The following IL12RB1 variants were observed in gnomAD, a reference collection of about 807,000 sequenced individuals.
IL12RB1 encodes interleukin-12 receptor subunit beta-1.
In IL12RB1, 64 loss-of-function variants were observed where a neutral mutation model predicts 94.4. That is an observed-to-expected ratio of 0.68 (90% CI 0.55 to 0.83). The LOEUF (loss-of-function observed/expected upper bound fraction) is 0.83, where lower values mean the gene tolerates loss of function less well. Among genes scored for constraint, IL12RB1 ranks in the 40% least tolerant of loss-of-function variants. IL12RB1 has a pLI of 0.00. For missense variants in IL12RB1, 814 were observed against 855.6 expected (o/e 0.95, Z 0.61); for synonymous variants, 362 against 355.5 (o/e 1.02, Z -0.21).
chr19:18,085,230 G>A (rs888553856), intron 1 of IL12RB1, among the ~76,000 whole-genome samples: 2 of 152,086 alleles, frequency 1.3e-5, no homozygotes, highest in Non-Finnish European at 2.9e-5. Context: ...GGGAGAAGGC[G>A]GCACCCCAGG....
chr19:18,059,461 G>A lies in IL12RB1; in HGVS notation c.*147C>T, dbSNP rs998329896. On this transcript the variant is annotated 3_prime_UTR_variant, in exon 17 of 17. Transcript: ENST00000593993. ...TCATGGCAGCATCTAGGGTTCCCCC[G>A]CAGGATGGGTGGCAACAGGCACGGG... 2.2e-5 allele frequency: 15 copies of A among 681,384 alleles called. No homozygotes were observed. Among genetic ancestry groups the A allele is most frequent in the East Asian group, 8.2e-5 (3 of 36,756 alleles). 42.2% of individuals were successfully genotyped at this position (681,384 alleles called of 1,614,324 possible).
intron 16 of IL12RB1, 65 bp downstream of exon 16, chr19:18,059,829 T>C: frequency 1.1e-6 from 1 of 949,114 alleles, no homozygotes; most frequent in Non-Finnish European, 1.7e-6. Flanking sequence ...GCGATGGATG[T>C]CTAGCCCCCC....
intron 3 of IL12RB1, among the ~76,000 whole-genome samples, chr19:18,081,492 A>G (rs1045809204): frequency 6.6e-6 from 1 of 151,576 alleles, no homozygotes; most frequent in Non-Finnish European, 1.5e-5. Flanking sequence ...GGACCCCAGT[A>G]TCTCCCAGCA....
intron 10 of IL12RB1, 88 bp from the exon 11 acceptor site, chr19:18,068,614 C>T: frequency 9.3e-7 from 1 of 1,075,182 alleles, no homozygotes; most frequent in Non-Finnish European, 1.4e-6. Flanking sequence ...TGCCAGGAAC[C>T]CCCAGAAAAC....
intron 4 of IL12RB1, among the ~76,000 whole-genome samples, chr19:18,080,295 G>A (rs1040738364): frequency 1.3e-5 from 2 of 152,042 alleles, no homozygotes; most frequent in African/African-American, 4.8e-5. Context: ...CAGGAGTGCA[G>A]TGGCTCAATC....
chr19:18,068,645 C>A, intron 10 of IL12RB1, 119 bp from the exon 11 acceptor site: 1 of 796,274 alleles, frequency 1.3e-6, no homozygotes. Flanking sequence ...GTTTCAAAGC[C>A]CTTGCACCAA....
rs1212767103 is a variant in IL12RB1 at position 18,059,594 on chromosome 19, C to T, written c.*14G>A. ...GCCTCGGGCGAGTCACTCACCCTCT[C>T]TGAGCCTCAACGATCACATCTGTAA... On this transcript the variant is annotated 3_prime_UTR_variant, in exon 17 of 17. Coordinates refer to ENST00000593993, the MANE Select transcript of IL12RB1 (RefSeq NM_005535.3). 1 of 780,454 alleles carries T rather than the reference C, an allele frequency of 1.3e-6. No homozygotes were observed. The highest frequency in any genetic ancestry group is 2.4e-6 in the Non-Finnish European group (1 of 417,818). 48.3% of individuals were successfully genotyped at this position (780,454 alleles called of 1,614,324 possible).
chr19:18,080,696 G>A (rs1215888246), intron 4 of IL12RB1, 136 bp downstream of exon 4: 3 of 747,826 alleles, frequency 4.0e-6, no homozygotes, highest in South Asian at 1.4e-5. Context: ...TAGTGTTTGC[G>A]TGACACTACG....
chr19:18,080,357 G>T (rs949801438), intron 4 of IL12RB1, among the ~76,000 whole-genome samples: 6 of 152,092 alleles, frequency 3.9e-5, no homozygotes, highest in African/African-American at 1.4e-4. Flanking sequence ...TCCTGCCTCA[G>T]TCTCCCCAGT....
chr19:18,080,823 G>A lies in IL12RB1; in HGVS notation c.409+9C>T, dbSNP rs1340211673. The stretch of plus-strand genomic sequence containing the variant: ...TAAAAAACGGACGGGGGGAGAACAA[G>A]GTGCTAACCTGAGTTGTAGAGCTGC... On this transcript the variant is annotated intron_variant, in intron 4 of 16. Coordinates refer to ENST00000593993, the MANE Select transcript of IL12RB1 (RefSeq NM_005535.3). 6.3e-7 allele frequency: 1 copy of A among 1,589,644 alleles called. No individual in the cohort carries two copies. The highest frequency in any genetic ancestry group is 1.7e-5 in the Admixed American group (1 of 59,986).
At chr19:18,085,877 G>C (rs1186335926) in intron 1 of IL12RB1, among the ~76,000 whole-genome samples, 1 of 151,870 alleles carries the variant, frequency 6.6e-6, no homozygotes, top group Non-Finnish European at 1.5e-5. Context: ...CCATAGTGCT[G>C]GATTTTCAGG....
At chr19:18,064,179 G>A (rs1250682051) in intron 12 of IL12RB1, among the ~76,000 whole-genome samples, 169 bp from the exon 13 acceptor site, 4 of 128,122 alleles carry the variant, frequency 3.1e-5, no homozygotes, top group African/African-American at 5.8e-5. Flanking sequence ...TTGCTCTGTC[G>A]CCCAGGCTGG....
At position 18,086,886 on chromosome 19, in the gene IL12RB1, C is replaced by A; in HGVS notation, c.-63G>T. On this transcript the variant is annotated 5_prime_UTR_variant, in exon 1 of 17. Transcript: ENST00000593993. ...CTCTGCCACCTGCGAGGTTCAGCCA[C>A]CCCGTCCCCACTCCGGAACACATTG... The A allele has an allele frequency of 6.3e-7, 1 of 1,580,760 alleles. No homozygotes were observed. The highest frequency in any genetic ancestry group is 8.6e-7 in the Non-Finnish European group (1 of 1,162,574).
chr19:18,060,112 T>G (rs1038552875), intron 15 of IL12RB1, 27 bp from the exon 16 acceptor site: 1 of 1,343,124 alleles, frequency 7.4e-7, no homozygotes, highest in East Asian at 2.3e-5. Context: ...GGGCCACAGC[T>G]GTGAGCAGAG....
intron 4 of IL12RB1, 151 bp downstream of exon 4, chr19:18,080,681 C>T: frequency 1.4e-6 from 1 of 713,300 alleles, no homozygotes; most frequent in Non-Finnish European, 2.6e-6. Flanking sequence ...ACTGCTTTGT[C>T]ACAATAGTGT....
chr19:18,084,283 T>TATCCATCCATCCATCCATCC (rs201729346), intron 1 of IL12RB1, among the ~76,000 whole-genome samples: 3 of 129,436 alleles, frequency 2.3e-5, no homozygotes, highest in African/African-American at 8.9e-5. Flanking sequence ...CCCATCCATC[T>TATCCATCCATCCATCCATCC]ATCCATCCAT....
At chr19:18,097,671 T>TC (rs1359534361) in intron 1 of IL12RB1, 5 of 543,618 alleles carry the variant, frequency 9.2e-6, no homozygotes, top group African/African-American at 2.1e-5. Flanking sequence ...GTGGTCGGGC[T>TC]CCCCGGGAGG....
At chr19:18,069,524 G>T (rs780454477) in intron 10 of IL12RB1, 22 bp downstream of exon 10, 2 of 1,588,526 alleles carry the variant, frequency 1.3e-6, no homozygotes, top group South Asian at 1.1e-5. Flanking sequence ...AGGGGTAGGC[G>T]CAGGCCATTC....
chr19:18,069,092 T>A (rs1458819302), intron 10 of IL12RB1, among the ~76,000 whole-genome samples: 1 of 152,080 alleles, frequency 6.6e-6, no homozygotes, highest in African/African-American at 2.4e-5. Context: ...CTCCTCAGGC[T>A]GTGTATTCTT....
Sources: allele counts gnomAD v4.1 joint callset (sites outside exome capture counted in the v4.1 genomes callset), GRCh38; gene constraint gnomAD v4.1.1; transcripts MANE v1.5; gene names NCBI Gene and HGNC (gene_info 2026-07-23, HGNC 2026-07-21).